Variants in TBC1D22A observed in about 807,000 individuals in gnomAD.
TBC1D22A encodes the protein putative GTPase activator.
Under a neutral mutation model 60.2 loss-of-function variants are expected in TBC1D22A, and 38 were observed. The observed-to-expected ratio is 0.63, with a 90% confidence interval of 0.49 to 0.83. The LOEUF is 0.83. Among genes scored for constraint, TBC1D22A ranks in the 40% least tolerant of loss-of-function variants. The pLI is 0.00. For missense variants in TBC1D22A, 628 were observed against 701.0 expected (o/e 0.90, Z 1.18); for synonymous variants, 302 against 281.7 (o/e 1.07, Z -0.72).
chr22:47,144,779 GC>G (rs2067230887), intron 12 of TBC1D22A, among the ~76,000 whole-genome samples: 1 of 15,628 alleles, frequency 6.4e-5, no homozygotes, highest in Admixed American at 4.7e-4. Context: ...CCGTGAAGGT[GC>G]CTGCTGGCTG....
At chr22:46,843,648 G>C (rs891636494) in intron 4 of TBC1D22A, among the ~76,000 whole-genome samples, 1 of 151,974 alleles carries the variant, frequency 6.6e-6, no homozygotes. Flanking sequence ...CAATAGAGGG[G>C]CCATATTGTT....
At position 46,793,596 on chromosome 22, in the gene TBC1D22A, G is replaced by A; in HGVS notation, c.215G>A (p.Trp72Ter). Reference sequence around the variant, plus strand: ...TTTGAGAGCAATACCAGCGATGCCTGGGACGCTGGGGAGGACGACGATGAG... The same window carrying A: ...TTTGAGAGCAATACCAGCGATGCCTAGGACGCTGGGGAGGACGACGATGAG... ...QEFESNTSDA[W>*]DAGEDDDELL... Residue 72 changes from tryptophan to a stop codon, truncating the protein, a stop_gained, in exon 3 of 13, where the codon TGG becomes TAG. Transcript: ENST00000337137. LOFTEE classifies it high-confidence loss of function. 6.2e-7 allele frequency: 1 copy of A among 1,614,004 alleles called. No homozygotes were observed. The highest frequency in any genetic ancestry group is 8.5e-7 in the Non-Finnish European group (1 of 1,180,042).
At chr22:46,828,664 A>G (rs914874355) in intron 4 of TBC1D22A, among the ~76,000 whole-genome samples, 1 of 152,206 alleles carries the variant, frequency 6.6e-6, no homozygotes, top group African/African-American at 2.4e-5. Context: ...CATGGAGCTC[A>G]GAGTCCAGAC....
At chr22:46,983,029 T>C (rs2074576457) in intron 9 of TBC1D22A, among the ~76,000 whole-genome samples, 1 of 152,240 alleles carries the variant, frequency 6.6e-6, no homozygotes. Flanking sequence ...AATGCTGCAC[T>C]TGTAGTCATC....
chr22:47,022,209 C>G (rs575322901), intron 10 of TBC1D22A, among the ~76,000 whole-genome samples: 3 of 152,286 alleles, frequency 2.0e-5, no homozygotes, highest in Admixed American at 2.0e-4. Context: ...ACCCAGTGCT[C>G]TAGTTCATGT....
intron 8 of TBC1D22A, among the ~76,000 whole-genome samples, chr22:46,973,665 T>C (rs1437627540): frequency 6.6e-6 from 1 of 152,268 alleles, no homozygotes; most frequent in Non-Finnish European, 1.5e-5. Flanking sequence ...TTTGTTCAAA[T>C]ATCTGATAAG....
intron 11 of TBC1D22A, among the ~76,000 whole-genome samples, chr22:47,081,315 G>T (rs536046031): frequency 6.6e-6 from 1 of 152,122 alleles, no homozygotes; most frequent in Non-Finnish European, 1.5e-5. Flanking sequence ...TGGTAGAAAC[G>T]CTCCATAAAC....
At chr22:47,132,314 A>G (rs2066706152) in intron 12 of TBC1D22A, among the ~76,000 whole-genome samples, 1 of 152,114 alleles carries the variant, frequency 6.6e-6, no homozygotes, top group African/African-American at 2.4e-5. Flanking sequence ...CTGTCACAGG[A>G]GCTGGCTCTG....
At chr22:46,869,243 C>T (rs1339782520) in intron 4 of TBC1D22A, among the ~76,000 whole-genome samples, 1 of 152,230 alleles carries the variant, frequency 6.6e-6, no homozygotes, top group Non-Finnish European at 1.5e-5. Context: ...CAGCAGCTCA[C>T]GGAGAATCTT....
chr22:46,925,879 C>T (rs1426422443), intron 8 of TBC1D22A, among the ~76,000 whole-genome samples: 1 of 152,078 alleles, frequency 6.6e-6, no homozygotes. Flanking sequence ...CTCTCAAGTG[C>T]TTGTGGAGCA....
intron 4 of TBC1D22A, among the ~76,000 whole-genome samples, chr22:46,865,558 C>T (rs1252381173): frequency 6.6e-6 from 1 of 152,174 alleles, no homozygotes; most frequent in African/African-American, 2.4e-5. Context: ...CATGTGAACT[C>T]CTAGGTGCAC....
At chr22:46,958,922 A>G (rs1476625690) in intron 8 of TBC1D22A, among the ~76,000 whole-genome samples, 1 of 152,196 alleles carries the variant, frequency 6.6e-6, no homozygotes, top group African/African-American at 2.4e-5. Context: ...ATGGAGACAC[A>G]AGATGTTTTC....
At chr22:47,103,962 G>T (rs1485367865) in intron 11 of TBC1D22A, among the ~76,000 whole-genome samples, 1 of 151,554 alleles carries the variant, frequency 6.6e-6, no homozygotes, top group East Asian at 1.9e-4. Flanking sequence ...TGTTTTTTTT[G>T]CCATATTTGG....
chr22:47,081,937 C>T (rs965867128), intron 11 of TBC1D22A, among the ~76,000 whole-genome samples: 1 of 152,302 alleles, frequency 6.6e-6, no homozygotes, highest in African/African-American at 2.4e-5. Flanking sequence ...GCGGGTGGAT[C>T]ACCTGAGGTC....
intron 8 of TBC1D22A, among the ~76,000 whole-genome samples, chr22:46,920,812 T>C (rs540402467): frequency 9.5e-4 from 144 of 151,736 alleles, no homozygotes; most frequent in African/African-American, 3.3e-3. Context: ...TCTCTGTTGC[T>C]CAGGCTGGAG....
chr22:47,072,620 C>G (rs919794741), intron 11 of TBC1D22A, among the ~76,000 whole-genome samples: 2 of 152,254 alleles, frequency 1.3e-5, no homozygotes, highest in African/African-American at 4.8e-5. Context: ...AGGTGCCTGA[C>G]CTGGCTCTAC....
intron 11 of TBC1D22A, among the ~76,000 whole-genome samples, chr22:47,073,935 C>G (rs2064106640): frequency 1.3e-5 from 2 of 152,264 alleles, no homozygotes; most frequent in South Asian, 2.1e-4. Context: ...TGAGACCAGC[C>G]TGGGCAACAT....
At chr22:47,111,447 C>T (rs1346256092) in intron 11 of TBC1D22A, 61 bp from the exon 12 acceptor site, 34 of 1,474,466 alleles carry the variant, frequency 2.3e-5, no homozygotes, top group Admixed American at 3.5e-5. Context: ...CAGATAACCT[C>T]GCAGTGATGT....
chr22:47,056,123 T>A (rs1799976612), intron 11 of TBC1D22A, among the ~76,000 whole-genome samples: 1 of 152,066 alleles, frequency 6.6e-6, no homozygotes, highest in East Asian at 1.9e-4. Context: ...CTGGGTCGGG[T>A]AACGGTGGCC....
Sources: allele counts gnomAD v4.1 joint callset (sites outside exome capture counted in the v4.1 genomes callset), GRCh38; gene constraint gnomAD v4.1.1; transcripts MANE v1.5; gene names NCBI Gene and HGNC (gene_info 2026-07-23, HGNC 2026-07-21).